The following MCTP2 variants were observed in gnomAD, a reference collection of about 807,000 sequenced individuals.
The protein encoded by MCTP2 is multiple C2 and transmembrane domain-containing protein 2.
MCTP2 carries 132 observed loss-of-function variants against 111.6 expected under a neutral mutation model. The ratio of observed to expected loss-of-function variants is 1.18; its 90% CI spans 1.03 to 1.37. MCTP2 has a LOEUF of 1.37. Among genes scored for constraint, MCTP2 ranks in the 40% most tolerant of loss-of-function variants. The pLI, the probability that MCTP2 is intolerant of heterozygous loss-of-function variation, is 0.00. For synonymous variants in MCTP2, 395 were observed against 387.7 expected (o/e 1.02, Z -0.22); for missense variants, 1,183 against 1,067.9 (o/e 1.11, Z -1.50).
intron 18 of MCTP2, among the ~76,000 whole-genome samples, chr15:94,441,962 G>A (rs569517648): frequency 3.3e-5 from 5 of 152,272 alleles, no homozygotes; most frequent in South Asian, 4.2e-4. Flanking sequence ...GGGCTATACC[G>A]GCCCTGAAGA....
intron 17 of MCTP2, among the ~76,000 whole-genome samples, chr15:94,429,423 A>C (rs565644011): frequency 1.3e-5 from 2 of 152,222 alleles, no homozygotes; most frequent in East Asian, 3.9e-4. Context: ...CGTTCTCTCA[A>C]ACTCACTCTT....
intron 1 of MCTP2, among the ~76,000 whole-genome samples, chr15:94,244,841 T>G (rs1048239988): frequency 6.9e-6 from 1 of 144,722 alleles, no homozygotes; most frequent in Non-Finnish European, 1.5e-5. Context: ...TATGTTTATA[T>G]ACGTATATGT....
intron 1 of MCTP2, among the ~76,000 whole-genome samples, chr15:94,244,025 G>A (rs139527709): frequency 5.8e-4 from 82 of 140,202 alleles, no homozygotes; most frequent in African/African-American, 1.5e-3. Flanking sequence ...ATACACATAC[G>A]TATGTGTATA....
At chr15:94,335,451 G>A (rs1393741240) in intron 4 of MCTP2, among the ~76,000 whole-genome samples, 1 of 152,184 alleles carries the variant, frequency 6.6e-6, no homozygotes, top group African/African-American at 2.4e-5. Context: ...CAGAAATAAC[G>A]TAAGTCTAAA....
chr15:94,325,976 T>C (rs140425414), intron 4 of MCTP2, among the ~76,000 whole-genome samples: 2,681 of 151,886 alleles, frequency 0.018, 79 homozygotes, highest in African/African-American at 0.06. Flanking sequence ...TGCGCCACCA[T>C]GCCCAGCTAA....
intron 20 of MCTP2, 112 bp downstream of exon 20, chr15:94,458,358 C>G (rs1292497679): frequency 1.4e-6 from 1 of 690,218 alleles, no homozygotes; most frequent in African/African-American, 1.8e-5. Flanking sequence ...CAAAAACACA[C>G]CAAAGCAACA....
intron 2 of MCTP2, among the ~76,000 whole-genome samples, chr15:94,306,464 G>C (rs913817776): frequency 1.3e-5 from 2 of 152,164 alleles, no homozygotes; most frequent in African/African-American, 4.8e-5. Context: ...TGAATCCTGG[G>C]ACTGTGCGCA....
At chr15:94,349,819 GA>G (rs1201748064) in intron 8 of MCTP2, among the ~76,000 whole-genome samples, 166 of 126,564 alleles carry the variant, frequency 1.3e-3, no homozygotes, top group Middle Eastern at 4.7e-3. Context: ...GACTCTGTCT[GA>G]AAAAAAAAAA....
chr15:94,366,232 A>G (rs2079178121), intron 10 of MCTP2, among the ~76,000 whole-genome samples: 1 of 152,204 alleles, frequency 6.6e-6, no homozygotes, highest in Non-Finnish European at 1.5e-5. Context: ...GATTATTTAA[A>G]AATACTTTTT....
chr15:94,367,720 G>A lies in MCTP2; in HGVS notation c.1417G>A (p.Val473Ile), dbSNP rs1567543389. The A allele has an allele frequency of 1.2e-6, 2 of 1,609,248 alleles. No individual in the cohort carries two copies. ...GGTCACACTTACACCCTGTGCGGGG[G>A]TCTCCGTCTCTGATCTGTGTGTCTG... Reference protein sequence around the residue: ...MLVTLTPCAGVSVSDLCVCPL... With the variant: ...MLVTLTPCAGISVSDLCVCPL... Residue 473 changes from valine to isoleucine, a missense_variant, in exon 11 of 23, where the codon GTC becomes ATC. By Grantham distance (29) the Val-to-Ile change is conservative (BLOSUM62 3). Transcript: ENST00000357742.
chr15:94,436,949 A>G (rs1200160431), intron 17 of MCTP2, among the ~76,000 whole-genome samples: 51 of 152,048 alleles, frequency 3.4e-4, no homozygotes, highest in Admixed American at 3.2e-3. Flanking sequence ...AGAAATTACT[A>G]TTGGCTCTAC....
At chr15:94,295,111 G>A (rs1463842385) in intron 1 of MCTP2, among the ~76,000 whole-genome samples, 1 of 151,508 alleles carries the variant, frequency 6.6e-6, no homozygotes, top group East Asian at 1.9e-4. Flanking sequence ...ACCATACCTG[G>A]CTAATTATTT....
chr15:94,447,396 T>G lies in MCTP2; in HGVS notation c.2250+4436T>G, dbSNP rs531740962. On this transcript the variant is annotated intron_variant, in intron 19 of 22. Transcript: ENST00000357742. ...ATTTGTGTGTGTGTGTGTGTTGTGT[T>G]TGTTTGTTTGTTTTTTGAGACAGAG... Among the ~76,000 whole-genome samples, 12 of 152,040 alleles carry G rather than the reference T, an allele frequency of 7.9e-5. No homozygotes were observed. In the South Asian group the frequency reaches 1.2e-3, roughly 16 times the overall value.
chr15:94,243,068 TATATGTGTATCTACACATATAC>T (rs1275123936), intron 1 of MCTP2, among the ~76,000 whole-genome samples: 1,077 of 83,836 alleles, frequency 0.013, 240 homozygotes, highest in African/African-American at 0.041. Context: ...CATACACGTG[TATATGTGTATCTACACATATAC>T]GTGTATATGT....
intron 1 of MCTP2, among the ~76,000 whole-genome samples, chr15:94,251,961 A>G (rs1268046913): frequency 1.3e-5 from 2 of 152,326 alleles, no homozygotes; most frequent in Non-Finnish European, 2.9e-5. Context: ...AGCAATTGCC[A>G]GAATTTCCTT....
At chr15:94,457,704 T>A (rs1276366582) in intron 19 of MCTP2, among the ~76,000 whole-genome samples, 2 of 152,194 alleles carry the variant, frequency 1.3e-5, no homozygotes, top group Admixed American at 1.3e-4. Flanking sequence ...GTACTAGGAA[T>A]CATACTACCT....
At chr15:94,437,529 A>T (rs1351367612) in intron 17 of MCTP2, among the ~76,000 whole-genome samples, 1 of 152,104 alleles carries the variant, frequency 6.6e-6, no homozygotes, top group Non-Finnish European at 1.5e-5. Context: ...ATATAGAGAA[A>T]TAATCATTAT....
At chr15:94,328,888 G>T (rs1014866158) in intron 4 of MCTP2, among the ~76,000 whole-genome samples, 2 of 152,156 alleles carry the variant, frequency 1.3e-5, no homozygotes, top group Admixed American at 1.3e-4. Context: ...TTGAAGGTTT[G>T]TTGATTCCCA....
Position 94,298,846 on chromosome 15 carries a change from TC to T in MCTP2, c.465+122del, listed in dbSNP as rs1397894729. On this transcript the variant is annotated intron_variant, in intron 2 of 22. Transcript: ENST00000357742. The stretch of plus-strand genomic sequence containing the variant: ...TTCCCCCCTCCCCCTCCCTCTCTCT[TC>T]CCCCCTCCCCCTCCCTCTCTCTCTC... 3.7e-5 allele frequency: 6 copies of T among 163,542 alleles called. No homozygotes were observed. In the African/African-American group the frequency reaches 6.8e-4, roughly 18 times the overall value. The allele number at this position is 163,542 out of a possible 1,614,324, so 10.1% of individuals were successfully genotyped here. A position where few individuals can be genotyped will look rare whatever the true frequency, so the allele number is the denominator to read the frequency against.
Sources: allele counts gnomAD v4.1 joint callset (sites outside exome capture counted in the v4.1 genomes callset), GRCh38; gene constraint gnomAD v4.1.1; transcripts MANE v1.5; gene names NCBI Gene and HGNC (gene_info 2026-07-23, HGNC 2026-07-21).